The following SLC24A2 variants were observed in gnomAD, a reference collection of about 807,000 sequenced individuals.
SLC24A2 encodes sodium/potassium/calcium exchanger 2.
In SLC24A2, 36 loss-of-function variants were observed where a neutral mutation model predicts 62.0. The observed-to-expected ratio is 0.58, with a 90% CI of 0.44 to 0.77. The LOEUF is 0.77. Among genes scored for constraint, SLC24A2 ranks in the 30% least tolerant of loss-of-function variants. The pLI is 0.00. For synonymous variants in SLC24A2, 358 were observed against 294.0 expected, an observed-to-expected ratio of 1.22 and a Z score of -2.23; for missense variants, 846 against 817.9, an observed-to-expected ratio of 1.03 and a Z score of -0.42.
At chr9:19,895,902 G>A in the SLC24A2 span, 4 of 1,613,458 alleles carry the variant, frequency 2.5e-6, no homozygotes, top group Middle Eastern at 3.3e-4. Context: ...GCCGGGCAGG[G>A]TCAAATTCTA....
intron 2 of SLC24A2, among the ~76,000 whole-genome samples, chr9:19,704,005 C>T (rs1820433027): frequency 6.6e-6 from 1 of 152,142 alleles, no homozygotes; most frequent in Non-Finnish European, 1.5e-5. Context: ...GAAATAACTC[C>T]AGTGTTTGAT....
At chr9:19,907,466 G>A in the SLC24A2 span, among the ~76,000 whole-genome samples, 1 of 152,208 alleles carries the variant, frequency 6.6e-6, no homozygotes, top group African/African-American at 2.4e-5. Context: ...AGTGTTGGAA[G>A]TTCTAGCCAG....
At chr9:19,959,514 T>C in the SLC24A2 span, among the ~76,000 whole-genome samples, 1 of 152,238 alleles carries the variant, frequency 6.6e-6, no homozygotes, top group Non-Finnish European at 1.5e-5. Flanking sequence ...ATTTGGTTCC[T>C]ACCTTTTGAA....
the SLC24A2 span, among the ~76,000 whole-genome samples, chr9:20,097,489 T>G: frequency 6.6e-6 from 1 of 152,112 alleles, no homozygotes; most frequent in Admixed American, 6.6e-5. Context: ...TGAAGACTAA[T>G]AGACACTAAT....
At chr9:19,907,359 C>G in the SLC24A2 span, among the ~76,000 whole-genome samples, 1 of 152,214 alleles carries the variant, frequency 6.6e-6, no homozygotes, top group Admixed American at 6.5e-5. Context: ...GACAAACCCA[C>G]AGCCAATGTC....
intron 7 of SLC24A2, among the ~76,000 whole-genome samples, chr9:19,562,758 G>A (rs1835467459): frequency 6.6e-6 from 1 of 152,138 alleles, no homozygotes; most frequent in Admixed American, 6.5e-5. Flanking sequence ...TCTGACACTA[G>A]TGGATTTCTT....
chr9:19,897,336 T>C, the SLC24A2 span, among the ~76,000 whole-genome samples: 1 of 152,192 alleles, frequency 6.6e-6, no homozygotes, highest in African/African-American at 2.4e-5. Context: ...AAAAATAAAA[T>C]TTTTATCTTC....
chr9:19,540,434 A>C (rs1292206910), intron 8 of SLC24A2, among the ~76,000 whole-genome samples: 1 of 149,994 alleles, frequency 6.7e-6, no homozygotes, highest in Non-Finnish European at 1.5e-5. Context: ...TTGCTTGTCT[A>C]TAAAGTATTT....
chr9:19,992,622 G>A, the SLC24A2 span, among the ~76,000 whole-genome samples: 3 of 152,248 alleles, frequency 2.0e-5, no homozygotes, highest in East Asian at 3.9e-4. Flanking sequence ...GGGAATCTTG[G>A]ACTTCACTGG....
the SLC24A2 span, among the ~76,000 whole-genome samples, chr9:19,873,152 T>C: frequency 1.3e-5 from 2 of 152,166 alleles, no homozygotes; most frequent in Non-Finnish European, 2.9e-5. Flanking sequence ...ATTTCTGCCA[T>C]GCATTAAATA....
the SLC24A2 span, among the ~76,000 whole-genome samples, chr9:19,875,574 T>C: frequency 6.6e-6 from 1 of 152,204 alleles, no homozygotes; most frequent in Non-Finnish European, 1.5e-5. Flanking sequence ...GGAGGTTTTC[T>C]TGGCAAAGAA....
the SLC24A2 span, among the ~76,000 whole-genome samples, chr9:20,098,794 C>T: frequency 3.3e-5 from 5 of 152,284 alleles, no homozygotes; most frequent in African/African-American, 9.6e-5. Context: ...TGGTTAAATC[C>T]AAGTCAAGCT....
chr9:19,837,353 G>A, the SLC24A2 span, among the ~76,000 whole-genome samples: 27 of 150,008 alleles, frequency 1.8e-4, no homozygotes, highest in Non-Finnish European at 4.0e-4. Context: ...TCGGGAGGCT[G>A]AGGCAGGAGA....
chr9:20,271,852 G>C, the SLC24A2 span, among the ~76,000 whole-genome samples: 31 of 152,300 alleles, frequency 2.0e-4, no homozygotes, highest in Non-Finnish European at 3.2e-4. Context: ...AAGAAAATTA[G>C]ATTATCCATT....
At chr9:20,081,070 C>T in the SLC24A2 span, among the ~76,000 whole-genome samples, 4 of 152,146 alleles carry the variant, frequency 2.6e-5, no homozygotes, top group African/African-American at 4.8e-5. Context: ...GTCAGTGTGG[C>T]GATTCCTCAG....
chr9:19,929,252 T>C, the SLC24A2 span: 1 of 152,218 alleles, frequency 6.6e-6, no homozygotes, highest in Non-Finnish European at 1.5e-5. Context: ...TACCCTGGAC[T>C]CTCACCCGTG....
chr9:19,600,008 A>G (rs145559381), intron 4 of SLC24A2, among the ~76,000 whole-genome samples: 2 of 152,194 alleles, frequency 1.3e-5, no homozygotes, highest in Non-Finnish European at 2.9e-5. Flanking sequence ...AGGGAGTTCA[A>G]GAGTCTATTA....
At chr9:20,283,593 C>G in the SLC24A2 span, among the ~76,000 whole-genome samples, 6 of 152,040 alleles carry the variant, frequency 3.9e-5, no homozygotes, top group Non-Finnish European at 8.8e-5. Flanking sequence ...AGAAATAATT[C>G]AACTGAGGGG....
At position 19,510,838 on chromosome 9, in the gene SLC24A2, C is replaced by G. The variant is rs571950265; in HGVS notation, c.*5315G>C. 1.3e-5 allele frequency: 2 copies of G among 152,382 alleles called. No individual in the cohort carries two copies. The highest frequency in any genetic ancestry group is 2.1e-4 in the South Asian group (1 of 4,828). 9.4% of individuals were successfully genotyped at this position (152,382 alleles called of 1,614,324 possible). A position where few individuals can be genotyped will look rare whatever the true frequency, so the allele number is the denominator to read the frequency against. ...ACAGTTGCCTAGCCTGTCGTAATTGCAGGGTCATTTTTGCCTCTCGAATGC... is the reference window on the plus strand; with the variant it reads ...ACAGTTGCCTAGCCTGTCGTAATTGGAGGGTCATTTTTGCCTCTCGAATGC... On this transcript the variant is annotated 3_prime_UTR_variant, in exon 11 of 11. Transcript: ENST00000341998.
Sources: gnomAD v4.1 joint callset for allele counts (sites outside exome capture counted in the v4.1 genomes callset) on GRCh38, gnomAD v4.1.1 for gene constraint, MANE v1.5 for transcripts, NCBI Gene and HGNC (gene_info 2026-07-23, HGNC 2026-07-21) for gene names.